The following KCNAB1 variants were observed in gnomAD, a reference collection of about 807,000 sequenced individuals.
KCNAB1 encodes voltage-gated potassium channel subunit beta-1.
Under a neutral mutation model 64.6 loss-of-function variants are expected in KCNAB1, and 35 were observed. The observed-to-expected ratio is 0.54, with a 90% CI of 0.41 to 0.72. The LOEUF is 0.72. KCNAB1 is among the 30% of genes least tolerant of loss of function. The probability of loss-of-function intolerance (pLI) is 0.00; values close to 1 mark genes in which losing one functional copy is unlikely to be tolerated. For missense variants in KCNAB1, 401 were observed against 512.9 expected (o/e 0.78, Z 2.11); for synonymous variants, 177 against 183.8 (o/e 0.96, Z 0.30).
At chr3:156,340,183 A>G (rs527728936) in intron 1 of KCNAB1, among the ~76,000 whole-genome samples, 3 of 152,274 alleles carry the variant, frequency 2.0e-5, no homozygotes, top group East Asian at 1.9e-4. Context: ...ATCCTTTCCT[A>G]GAGTGCAGTG....
chr3:156,356,434 C>T (rs1365895538), intron 1 of KCNAB1, among the ~76,000 whole-genome samples: 4 of 151,760 alleles, frequency 2.6e-5, no homozygotes, highest in Non-Finnish European at 5.9e-5. Context: ...TTTCTTTGAC[C>T]TCTACGGGGG....
At chr3:156,462,327 G>A (rs759313060) in intron 5 of KCNAB1, among the ~76,000 whole-genome samples, 2 of 152,206 alleles carry the variant, frequency 1.3e-5, no homozygotes, top group Admixed American at 6.5e-5. Context: ...AGAATATGCA[G>A]CTTTGAATAA....
intron 1 of KCNAB1, among the ~76,000 whole-genome samples, chr3:156,221,786 C>CA (rs1353557370): frequency 2.0e-5 from 3 of 147,758 alleles, no homozygotes; most frequent in African/African-American, 5.0e-5. Flanking sequence ...CCCCCCCCGC[C>CA]AAAAAAAAAG....
intron 1 of KCNAB1, among the ~76,000 whole-genome samples, chr3:156,199,062 C>T (rs933818621): frequency 2.6e-4 from 40 of 151,324 alleles, no homozygotes; most frequent in African/African-American, 9.5e-4. Flanking sequence ...GATTTTATTT[C>T]TCCTTCACTT....
chr3:156,235,797 G>A (rs1716815780), intron 1 of KCNAB1, among the ~76,000 whole-genome samples: 1 of 152,190 alleles, frequency 6.6e-6, no homozygotes, highest in African/African-American at 2.4e-5. Flanking sequence ...TGAATTCTCT[G>A]CAAGATAACT....
At chr3:156,292,143 T>G (rs377362848) in intron 1 of KCNAB1, 121 of 1,612,860 alleles carry the variant, frequency 7.5e-5, no homozygotes, top group Non-Finnish European at 9.9e-5. Context: ...GCACGTAAGA[T>G]TCCCTCTGTG....
intron 1 of KCNAB1, among the ~76,000 whole-genome samples, chr3:156,331,443 T>C (rs1385986837): frequency 6.6e-6 from 1 of 152,046 alleles, no homozygotes; most frequent in Non-Finnish European, 1.5e-5. Context: ...ATGAGTAAAA[T>C]AAAAACAAAG....
chr3:156,173,977 C>T (rs567192292), intron 1 of KCNAB1, among the ~76,000 whole-genome samples: 2 of 152,208 alleles, frequency 1.3e-5, no homozygotes, highest in Admixed American at 1.3e-4. Context: ...GTGACATATA[C>T]CATTGGCTCT....
intron 8 of KCNAB1, among the ~76,000 whole-genome samples, chr3:156,495,829 C>T (rs1715973884): frequency 1.3e-5 from 2 of 152,096 alleles, no homozygotes; most frequent in South Asian, 4.1e-4. Flanking sequence ...TTTTAATACC[C>T]CGGAAGGTAA....
chr3:156,439,701 G>T lies in KCNAB1; in HGVS notation c.320-13198G>T, dbSNP rs575242173. ...AATGAAAAATGGAGCATCACCAGACGAGATCTTTGCTCTCCAGGAGTGCCC... is the reference window on the plus strand; with the variant it reads ...AATGAAAAATGGAGCATCACCAGACTAGATCTTTGCTCTCCAGGAGTGCCC... On this transcript the variant is annotated intron_variant, in intron 2 of 13. Transcript: ENST00000490337. 1.8e-4 allele frequency among the ~76,000 whole-genome samples: 27 copies of T among 152,320 alleles called. No individual in the cohort carries two copies. The South Asian group carries it at 5.6e-3, about 32-fold the overall frequency.
chr3:156,378,443 G>A (rs1481544136), intron 1 of KCNAB1, among the ~76,000 whole-genome samples: 2 of 152,098 alleles, frequency 1.3e-5, no homozygotes, highest in Non-Finnish European at 2.9e-5. Flanking sequence ...ATGCATGCAT[G>A]GTTTGTTTTC....
intron 1 of KCNAB1, among the ~76,000 whole-genome samples, chr3:156,147,258 G>A (rs1303079309): frequency 1.3e-5 from 2 of 152,138 alleles, no homozygotes; most frequent in African/African-American, 4.8e-5. Context: ...CTCCATAATG[G>A]CACACCTCTT....
At chr3:156,321,057 G>A (rs1018950783) in intron 1 of KCNAB1, among the ~76,000 whole-genome samples, 11 of 152,088 alleles carry the variant, frequency 7.2e-5, no homozygotes, top group African/African-American at 2.4e-4. Flanking sequence ...AGCAGAATAG[G>A]TCGGCACAAG....
intron 1 of KCNAB1, among the ~76,000 whole-genome samples, chr3:156,218,198 G>A (rs1166186236): frequency 1.3e-5 from 2 of 152,164 alleles, no homozygotes; most frequent in Non-Finnish European, 2.9e-5. Context: ...GTGTGAGAGC[G>A]GGGTGAGGCC....
chr3:156,502,061 T>C (rs1404115346), intron 8 of KCNAB1, among the ~76,000 whole-genome samples: 2 of 152,190 alleles, frequency 1.3e-5, no homozygotes, highest in African/African-American at 2.4e-5. Context: ...TTCTGGGAGA[T>C]ACAATTCAAG....
chr3:156,407,200 C>T (rs80351529), intron 1 of KCNAB1, among the ~76,000 whole-genome samples: 1 of 152,268 alleles, frequency 6.6e-6, no homozygotes, highest in Admixed American at 6.5e-5. Flanking sequence ...TACCAAACTC[C>T]AGCAGACTCA....
chr3:156,218,189 T>G (rs1282556208), intron 1 of KCNAB1, among the ~76,000 whole-genome samples: 1 of 152,210 alleles, frequency 6.6e-6, no homozygotes, highest in South Asian at 2.1e-4. Context: ...CTGTGGGCTG[T>G]GTGAGAGCGG....
intron 1 of KCNAB1, among the ~76,000 whole-genome samples, chr3:156,208,120 T>G (rs1714776789): frequency 6.6e-6 from 1 of 152,158 alleles, no homozygotes; most frequent in Non-Finnish European, 1.5e-5. Context: ...TTCCTAAGGC[T>G]TGTGCTATAT....
At chr3:156,296,560 G>A (rs1221270381) in intron 1 of KCNAB1, among the ~76,000 whole-genome samples, 1 of 141,176 alleles carries the variant, frequency 7.1e-6, no homozygotes, top group Non-Finnish European at 1.5e-5. Context: ...TGCAAGGTCC[G>A]CCTCCTGGGT....
Sources: gnomAD v4.1 joint callset for allele counts (sites outside exome capture counted in the v4.1 genomes callset) on GRCh38, gnomAD v4.1.1 for gene constraint, MANE v1.5 for transcripts, NCBI Gene and HGNC (gene_info 2026-07-23, HGNC 2026-07-21) for gene names.